Variants in DNAJC13 observed in about 807,000 individuals in gnomAD.
DNAJC13 encodes dnaJ homolog subfamily C member 13.
A neutral mutation model predicts 290.5 loss-of-function variants in DNAJC13; 75 were observed. That is an observed-to-expected ratio of 0.26 (90% confidence interval 0.21 to 0.31). The LOEUF (loss-of-function observed/expected upper bound fraction) is 0.31, where lower values mean the gene tolerates loss of function less well. DNAJC13 is among the 10% of genes least tolerant of loss of function. The probability of loss-of-function intolerance (pLI) is 1.00; values close to 1 mark genes in which losing one functional copy is unlikely to be tolerated. For missense variants in DNAJC13, 2,260 were observed against 2,674.5 expected (o/e 0.85, Z 3.42); for synonymous variants, 862 against 892.0 (o/e 0.97, Z 0.60).
intron 29 of DNAJC13, among the ~76,000 whole-genome samples, chr3:132,486,049 GAA>G (rs1348557743): frequency 8.2e-6 from 1 of 121,446 alleles, no homozygotes; most frequent in Non-Finnish European, 1.6e-5. Context: ...CATTGATGCT[GAA>G]AAAGACTTCT....
At chr3:132,529,352 TTTCCCCTACTAATG>T (rs1250854771) in intron 54 of DNAJC13, among the ~76,000 whole-genome samples, 1 of 152,232 alleles carries the variant, frequency 6.6e-6, no homozygotes, top group Non-Finnish European at 1.5e-5. Flanking sequence ...ATTTGGGTTA[TTTCCCCTACTAATG>T]TTCCATAGGT....
At chr3:132,472,176 G>A (rs571998461) in intron 20 of DNAJC13, among the ~76,000 whole-genome samples, 1 of 152,118 alleles carries the variant, frequency 6.6e-6, no homozygotes, top group Admixed American at 6.6e-5. Context: ...AGTGAGCCGA[G>A]ATGGCAGCAG....
chr3:132,479,147 G>T, intron 24 of DNAJC13, 80 bp from the exon 25 acceptor site: 3 of 787,844 alleles, frequency 3.8e-6, no homozygotes, highest in Non-Finnish European at 6.2e-6. Flanking sequence ...ATGGGCTGTT[G>T]GTTTATTTTG....
rs578041045 is a variant in DNAJC13, at chr3:132,472,101, C to T, written c.2209-1044C>T. 1.7e-4 allele frequency among the ~76,000 whole-genome samples: 25 copies of T among 150,092 alleles called. 1 individual carries two copies. The highest frequency in any genetic ancestry group is 4.3e-4 in the South Asian group (2 of 4,640). ...CTCCACCAAAACCAGTCAGGCGTGGCGGCGCGTGCCTGCAATGGCAGGCAC... is the reference window on the plus strand; with the variant it reads ...CTCCACCAAAACCAGTCAGGCGTGGTGGCGCGTGCCTGCAATGGCAGGCAC... On this transcript the variant is annotated intron_variant, in intron 20 of 55. Coordinates refer to ENST00000260818, the MANE Select transcript of DNAJC13 (RefSeq NM_015268.4).
At chr3:132,433,739 AT>A (rs1205191203) in intron 1 of DNAJC13, among the ~76,000 whole-genome samples, 1 of 152,216 alleles carries the variant, frequency 6.6e-6, no homozygotes, top group African/African-American at 2.4e-5. Context: ...TTATTTGGCA[AT>A]GTCAGATTTA....
At chr3:132,525,899 T>G (rs1344575172) in intron 52 of DNAJC13, 110 bp downstream of exon 52, 1 of 1,309,602 alleles carries the variant, frequency 7.6e-7, no homozygotes, top group Non-Finnish European at 1.0e-6. Context: ...CCATGTGTCT[T>G]TTTGCATACG....
Position 132,528,315 on chromosome 3 carries a change from T to G in DNAJC13, c.6508T>G (p.Leu2170Val). The change falls in exon 54 of 56, where the codon TTG becomes GTG. Residue 2170 changes from leucine (L) to valine (V), a missense_variant. Physicochemically the swap from Leu to Val is conservative, Grantham distance 32. Around this residue, in one of 3 missense-constraint regions of DNAJC13, gnomAD observed 1,494 missense variants for 1,693.7 expected, o/e 0.88. Coordinates refer to ENST00000260818, the MANE Select transcript of DNAJC13 (RefSeq NM_015268.4). ...AGCTCTCAAGGCAATGACTCGAAGTTTGCAGTATGGAGAACAGGTGAGTCT... is the reference window on the plus strand; with the variant it reads ...AGCTCTCAAGGCAATGACTCGAAGTGTGCAGTATGGAGAACAGGTGAGTCT... ...VKALKAMTRS[L>V]QYGEQVNEIL... 5.6e-6 allele frequency: 9 copies of G among 1,614,178 alleles called. No individual in the cohort carries two copies. Among genetic ancestry groups the G allele is most frequent in the Non-Finnish European group, 7.6e-6 (9 of 1,180,006 alleles).
At chr3:132,427,206 G>A (rs1444278151) in intron 1 of DNAJC13, among the ~76,000 whole-genome samples, 1 of 149,546 alleles carries the variant, frequency 6.7e-6, no homozygotes, top group South Asian at 2.1e-4. Flanking sequence ...ATGAGGGCTC[G>A]CTCACTGCAG....
chr3:132,452,893 C>G (rs957023403), intron 6 of DNAJC13, among the ~76,000 whole-genome samples: 1 of 152,178 alleles, frequency 6.6e-6, no homozygotes, highest in Admixed American at 6.5e-5. Flanking sequence ...CATCATCTTG[C>G]AAAGAAGCCT....
At chr3:132,436,574 A>T (rs1939392250) in intron 2 of DNAJC13, among the ~76,000 whole-genome samples, 1 of 152,134 alleles carries the variant, frequency 6.6e-6, no homozygotes, top group Non-Finnish European at 1.5e-5. Flanking sequence ...TTATGTGGTA[A>T]CTCTGTTTAA....
At position 132,500,801 on chromosome 3, in the gene DNAJC13, G is replaced by C. The variant is rs1235996718; in HGVS notation, c.4424G>C (p.Gly1475Ala). 1 of 1,613,896 alleles carries C rather than the reference G, an allele frequency of 6.2e-7. No homozygotes were observed. Among genetic ancestry groups the C allele is most frequent in the Admixed American group, 1.7e-5 (1 of 60,018 alleles). Reference protein sequence around the residue: ...KPSDMSVQVCGYISKCYSVAA... With the variant: ...KPSDMSVQVCAYISKCYSVAA... Reference sequence around the variant, plus strand: ...CTGTTGTGTTGTCTGCAGGTGTGTGGATACATAAGTAAATGCTACAGTGTG... The same window carrying C: ...CTGTTGTGTTGTCTGCAGGTGTGTGCATACATAAGTAAATGCTACAGTGTG... The change falls in exon 39 of 56, where the codon GGA becomes GCA. Residue 1475 changes from glycine to alanine, a missense_variant. Coordinates refer to ENST00000260818, the MANE Select transcript of DNAJC13 (RefSeq NM_015268.4).
intron 20 of DNAJC13, among the ~76,000 whole-genome samples, chr3:132,467,819 G>GT (rs1408266352): frequency 6.6e-6 from 1 of 152,122 alleles, no homozygotes; most frequent in Non-Finnish European, 1.5e-5. Context: ...TTAGTTCATA[G>GT]TTTTATGAGT....
intron 41 of DNAJC13, among the ~76,000 whole-genome samples, chr3:132,504,242 C>T (rs1333378015): frequency 6.6e-6 from 1 of 150,662 alleles, no homozygotes; most frequent in Non-Finnish European, 1.5e-5. Context: ...GTGATTGAGT[C>T]CAATTTTCAG....
Position 132,456,316 on chromosome 3 carries a change from T to C in DNAJC13, c.1014T>C (p.His338=). The C allele has an allele frequency of 1.2e-6, 2 of 1,613,956 alleles. No individual in the cohort carries two copies. Among genetic ancestry groups the C allele is most frequent in the South Asian group, 1.1e-5 (1 of 91,078 alleles). The change falls in exon 10 of 56, where the codon CAT becomes CAC. Residue 338 remains histidine, a synonymous_variant. Transcript: ENST00000260818. ...RDVCVKMTPT[H]KGQRWGLLSM... is the part of the protein sequence containing the mutation. ...TTTGTGTAAAAATGACACCAACCCA[T>C]AAAGGTCAGCGATGGGGGTTACTCA... is the stretch of plus-strand genomic sequence containing the variant.
At chr3:132,492,847 G>A (rs1448215911) in intron 33 of DNAJC13, among the ~76,000 whole-genome samples, 1 of 151,600 alleles carries the variant, frequency 6.6e-6, no homozygotes, top group Non-Finnish European at 1.5e-5. Context: ...ATCTTTTGTG[G>A]CAAAGACAAA....
chr3:132,496,759 A>C, intron 36 of DNAJC13, 96 bp downstream of exon 36: 1 of 1,085,958 alleles, frequency 9.2e-7, no homozygotes, highest in Non-Finnish European at 1.2e-6. Flanking sequence ...CATATTTAAT[A>C]GATTTAGAAT....
intron 15 of DNAJC13, 125 bp downstream of exon 15, chr3:132,461,330 G>C (rs546219502): frequency 1.1e-6 from 1 of 947,212 alleles, no homozygotes; most frequent in Non-Finnish European, 1.6e-6. Context: ...TGGCTTTCCT[G>C]GGCCACACTG....
chr3:132,518,971 C>T (rs1012421461), intron 48 of DNAJC13, among the ~76,000 whole-genome samples: 5 of 152,076 alleles, frequency 3.3e-5, no homozygotes, highest in South Asian at 2.1e-4. Flanking sequence ...GACTGGCTTC[C>T]GTTGTTTTCA....
rs377093401 is a variant in DNAJC13, at chr3:132,477,983, A to T, written c.2552A>T (p.Tyr851Phe). 6.3e-7 allele frequency: 1 copy of T among 1,599,002 alleles called. No individual in the cohort carries two copies. Among genetic ancestry groups the T allele is most frequent in the African/African-American group, 1.4e-5 (1 of 73,482 alleles). ...NEESGSIKRS[Y>F]EFFNELYHRF... ...GAACTTTTTTTTTTAAAATCTAGGTATGAATTTTTCAATGAGCTTTATCAT... is the reference window on the plus strand; with the variant it reads ...GAACTTTTTTTTTTAAAATCTAGGTTTGAATTTTTCAATGAGCTTTATCAT... Residue 851 changes from tyrosine to phenylalanine, a missense_variant and splice_region_variant, in exon 24 of 56, where the codon TAT becomes TTT. Tyr to Phe is a conservative substitution (Grantham distance 22, BLOSUM62 3). Coordinates refer to ENST00000260818, the MANE Select transcript of DNAJC13 (RefSeq NM_015268.4).
Sources: allele counts gnomAD v4.1 joint callset (sites outside exome capture counted in the v4.1 genomes callset), GRCh38; gene constraint gnomAD v4.1.1; regional missense constraint gnomAD v4.1.1; transcripts MANE v1.5; gene names NCBI Gene and HGNC (gene_info 2026-07-23, HGNC 2026-07-21).